CCP110: variants seen among roughly 807,000 people sequenced by gnomAD.
CCP110 encodes centriolar coiled-coil protein 110.
A neutral mutation model predicts 105.5 loss-of-function variants in CCP110; 43 were observed. The ratio of observed to expected loss-of-function variants is 0.41; its 90% confidence interval spans 0.32 to 0.53. The LOEUF (loss-of-function observed/expected upper bound fraction) is 0.53, where lower values mean the gene tolerates loss of function less well. CCP110 is among the 20% of genes least tolerant of loss of function. The pLI, the probability that CCP110 is intolerant of heterozygous loss-of-function variation, is 0.32. For synonymous variants in CCP110, 353 were observed against 392.1 expected, an observed-to-expected ratio of 0.90 and a Z score of 1.18; for missense variants, 1,016 against 1,189.1, an observed-to-expected ratio of 0.85 and a Z score of 2.14.
At chr16:19,527,822 C>T (rs1969725465) in intron 1 of CCP110, 45 bp from the exon 2 acceptor site, 3 of 1,501,072 alleles carry the variant, frequency 2.0e-6, no homozygotes, top group Non-Finnish European at 2.7e-6. Context: ...TAATTAAGAT[C>T]TGTTTTTCCC....
chr16:19,537,529 A>G (rs1214231210), exon 4 of CCP110: 2 of 1,605,112 alleles, frequency 1.2e-6, no homozygotes, highest in East Asian at 2.2e-5. Flanking sequence ...CAGAAAAAAG[A>G]TACCCTAAGG....
chr16:19,544,889 GT>G lies in CCP110; in HGVS notation c.2579del (p.Leu860Ter). On this transcript the variant is annotated frameshift_variant, in exon 9 of 15. Transcript: ENST00000381396. LOFTEE classifies it high-confidence loss of function. ...AAGATGCTTCACTTCAGGAAAGAGT[GT>G]TAGCTCAGGTAAATACATGGATCCT... The G allele has an allele frequency of 1.3e-6, 2 of 1,551,244 alleles. No homozygotes were observed. Among genetic ancestry groups the G allele is most frequent in the Non-Finnish European group, 1.8e-6 (2 of 1,124,484 alleles).
Position 19,534,872 on chromosome 16 carries a change from CTTTT to C in CCP110, c.271-1047_271-1044del, listed in dbSNP as rs35522152. ...ACCAAAAAATATTGTAATATTCAGA[CTTTT>C]TTTTTTTTTTTTTTTTTTTTCTGAG... On this transcript the variant is annotated intron_variant, in intron 3 of 14. Transcript: ENST00000381396. Among the ~76,000 whole-genome samples, 62 of 100,540 alleles carry C rather than the reference CTTTT, an allele frequency of 6.2e-4. 1 individual carries two copies. In the East Asian group the frequency reaches 0.011, roughly 19 times the overall value. The allele number at this position is 100,540 out of a possible 152,430, so 66.0% of individuals were successfully genotyped here.
At chr16:19,528,517 T>A (rs1969752715) in intron 2 of CCP110, among the ~76,000 whole-genome samples, 1 of 152,194 alleles carries the variant, frequency 6.6e-6, no homozygotes, top group Non-Finnish European at 1.5e-5. Flanking sequence ...ATGTAAATGT[T>A]GAGGCATGGA....
chr16:19,546,095 A>G, intron 11 of CCP110: 1 of 550,992 alleles, frequency 1.8e-6, no homozygotes, highest in Non-Finnish European at 3.2e-6. Flanking sequence ...ACTAAATTTG[A>G]CAACATTCAA....
intron 5 of CCP110, among the ~76,000 whole-genome samples, chr16:19,541,448 C>T (rs1030499719): frequency 2.6e-5 from 4 of 152,098 alleles, no homozygotes; most frequent in Non-Finnish European, 1.5e-5. Flanking sequence ...GCCTGGCCAA[C>T]ATATAGTGAA....
chr16:19,535,625 C>T (rs751623236), intron 3 of CCP110, among the ~76,000 whole-genome samples: 64 of 152,134 alleles, frequency 4.2e-4, no homozygotes, highest in Non-Finnish European at 7.8e-4. Flanking sequence ...TTAAATTGCA[C>T]ATGGATATAT....
chr16:19,548,124 A>AT lies in CCP110; in HGVS notation c.2900+118dup, dbSNP rs1020621558. On this transcript the variant is annotated intron_variant, in intron 13 of 14. Transcript: ENST00000381396. The surrounding 1 kb of genome is among the most constrained non-coding windows in gnomAD (Gnocchi z 4.1). ...TAAAGGATAATGGTTTTTCAATGGG[A>AT]TTTTTTTTCTTTATAGCATTGGGAA... is the stretch of plus-strand genomic sequence containing the variant. 54 of 831,984 alleles carry AT rather than the reference A, an allele frequency of 6.5e-5. No homozygotes were observed. The highest frequency in any genetic ancestry group is 9.7e-5 in the Non-Finnish European group (48 of 495,934). The allele number at this position is 831,984 out of a possible 1,614,324, so 51.5% of individuals were successfully genotyped here.
chr16:19,542,982 A>G, exon 8 of CCP110: 3 of 1,567,782 alleles, frequency 1.9e-6, no homozygotes, highest in Non-Finnish European at 2.6e-6. Context: ...AGCAACTTCG[A>G]CAAACTGTAA....
At chr16:19,536,398 A>T (rs1366811165) in exon 4 of CCP110, 1 of 1,612,094 alleles carries the variant, frequency 6.2e-7, no homozygotes, top group Admixed American at 1.7e-5. Context: ...AAAGAGAACA[A>T]TCTAGACGCA....
chr16:19,541,677 AGAGAG>A (rs1970289212), intron 5 of CCP110, among the ~76,000 whole-genome samples: 1 of 117,986 alleles, frequency 8.5e-6, no homozygotes, highest in Non-Finnish European at 1.7e-5. Context: ...AGAGAGAGAG[AGAGAG>A]AAAGGAAGGA....
exon 4 of CCP110, chr16:19,537,576 C>A: frequency 1.3e-6 from 2 of 1,558,364 alleles, no homozygotes; most frequent in Non-Finnish European, 1.7e-6. Flanking sequence ...ATGTTAGGAA[C>A]TAGTTCCAAA....
At chr16:19,531,994 T>C (rs1597253723) in intron 2 of CCP110, among the ~76,000 whole-genome samples, 1 of 150,962 alleles carries the variant, frequency 6.6e-6, no homozygotes, top group Admixed American at 6.6e-5. Flanking sequence ...ATACTGAATG[T>C]GAAGTAATAT....
intron 4 of CCP110, among the ~76,000 whole-genome samples, chr16:19,538,095 G>T (rs1970141845): frequency 6.6e-6 from 1 of 151,744 alleles, no homozygotes; most frequent in Non-Finnish European, 1.5e-5. Context: ...GTCTGGCACT[G>T]TTGCCCAGGC....
exon 4 of CCP110, chr16:19,536,453 G>T: frequency 1.2e-6 from 2 of 1,613,996 alleles, no homozygotes; most frequent in Non-Finnish European, 1.7e-6. Context: ...GAGTCATTTA[G>T]ACAAAGAACA....
intron 14 of CCP110, among the ~76,000 whole-genome samples, chr16:19,550,172 GAC>G (rs1291771742): frequency 6.8e-6 from 1 of 147,104 alleles, no homozygotes; most frequent in African/African-American, 2.5e-5. Context: ...TTTTTTTTGA[GAC>G]AGAGTCTTGT....
In CCP110 at chr16:19,548,545, G is replaced by C; in HGVS notation, c.2931G>C (p.Val977=). 6.5e-7 allele frequency: 1 copy of C among 1,549,714 alleles called. No homozygotes were observed. Among genetic ancestry groups the C allele is most frequent in the Non-Finnish European group, 8.7e-7 (1 of 1,146,388 alleles). Residue 977 remains valine (V), a synonymous_variant, in exon 14 of 15, where the codon GTG becomes GTC. Transcript: ENST00000381396. The surrounding 1 kb of genome is among the most constrained non-coding windows in gnomAD (Gnocchi z 4.1). Reference sequence around the variant, plus strand: ...CTAAGACATCAGTGAAGGGGGTTGTGCAAAATAGACAGAAGCCTTCACAGA... The same window carrying C: ...CTAAGACATCAGTGAAGGGGGTTGTCCAAAATAGACAGAAGCCTTCACAGA...
At chr16:19,547,704 C>T (rs1970509025) in intron 12 of CCP110, 1 of 343,794 alleles carries the variant, frequency 2.9e-6, no homozygotes, top group African/African-American at 2.1e-5. Context: ...TATCTAAAAG[C>T]ACAAGGGTTA....
intron 5 of CCP110, among the ~76,000 whole-genome samples, chr16:19,541,188 G>C (rs943121270): frequency 3.3e-5 from 5 of 151,606 alleles, no homozygotes; most frequent in African/African-American, 1.2e-4. Context: ...GAAATTCAAG[G>C]CTGCAGTGAG....
Sources: allele counts gnomAD v4.1 joint callset (sites outside exome capture counted in the v4.1 genomes callset), GRCh38; gene constraint gnomAD v4.1.1; non-coding constraint Gnocchi (gnomAD v3.1); transcripts MANE v1.5; gene names NCBI Gene and HGNC (gene_info 2026-07-23, HGNC 2026-07-21).